The following ECI2 variants were observed in gnomAD, a reference collection of about 807,000 sequenced individuals.
ECI2 encodes enoyl-CoA delta isomerase 2.
Under a neutral mutation model 38.4 loss-of-function variants are expected in ECI2, and 27 were observed. That is an observed-to-expected ratio of 0.70 (90% CI 0.52 to 0.97). The LOEUF is 0.97. ECI2 is among the 50% of genes least tolerant of loss of function. ECI2 has a pLI of 0.00. For missense variants in ECI2, 470 were observed against 474.4 expected (o/e 0.99, Z 0.09); for synonymous variants, 168 against 172.0 (o/e 0.98, Z 0.18).
Position 4,130,784 on chromosome 6 carries a change from G to C in ECI2, c.295C>G (p.Leu99Val). The stretch of plus-strand genomic sequence containing the variant: ...AAACTCACCTTGGGCAGGCTGCCAA[G>C]GGCATTCCATGCGTCCCATTTGGCC... ...NKAKWDAWNALGSLPKEAARQ... is the reference protein window; with the variant it reads ...NKAKWDAWNAVGSLPKEAARQ... The change falls in exon 3 of 10, where the codon CTT (leucine) becomes GTT (valine). Residue 99 changes from leucine (L) to valine (V), a missense_variant. Leu to Val is a conservative substitution (Grantham distance 32). Coordinates refer to ENST00000380118, the MANE Select transcript of ECI2 (RefSeq NM_206836.3). 1 of 1,614,210 alleles carries C rather than the reference G, an allele frequency of 6.2e-7. No homozygotes were observed. Among genetic ancestry groups the C allele is most frequent in the East Asian group, 2.2e-5 (1 of 44,884 alleles).
At chr6:4,118,749 C>G (rs183540569) in intron 8 of ECI2, 1 of 154,432 alleles carries the variant, frequency 6.5e-6, no homozygotes, top group African/African-American at 2.4e-5. Context: ...TTGGTACTTA[C>G]TGTAACTCTG....
At chr6:4,121,698 T>C (rs541016578) in intron 7 of ECI2, among the ~76,000 whole-genome samples, 14 of 151,802 alleles carry the variant, frequency 9.2e-5, no homozygotes, top group Admixed American at 5.2e-4. Flanking sequence ...TTTTAGTTTT[T>C]TTTTTTTTTA....
chr6:4,126,567 G>C (rs987502565), intron 5 of ECI2, among the ~76,000 whole-genome samples: 2 of 152,166 alleles, frequency 1.3e-5, no homozygotes, highest in Non-Finnish European at 2.9e-5. Flanking sequence ...GGCCAGGTGG[G>C]CTAGAAAAAG....
intron 7 of ECI2, among the ~76,000 whole-genome samples, chr6:4,120,501 C>T (rs1418058519): frequency 1.3e-5 from 2 of 152,024 alleles, no homozygotes; most frequent in East Asian, 3.9e-4. Context: ...CAGAGGTGGG[C>T]AAATCACCTG....
chr6:4,128,447 G>A (rs1773317745), intron 4 of ECI2, among the ~76,000 whole-genome samples: 1 of 152,132 alleles, frequency 6.6e-6, no homozygotes, highest in African/African-American at 2.4e-5. Context: ...AGCTTTTAAT[G>A]CATTTAAAAC....
chr6:4,118,470 C>G (rs1239361599), intron 8 of ECI2: 1 of 152,238 alleles, frequency 6.6e-6, no homozygotes, highest in Non-Finnish European at 1.5e-5. Flanking sequence ...TCCTAATAGG[C>G]AATGAAAACA....
chr6:4,124,332 T>C (rs2113984962), intron 7 of ECI2, among the ~76,000 whole-genome samples: 1 of 152,338 alleles, frequency 6.6e-6, no homozygotes, highest in Non-Finnish European at 1.5e-5. Context: ...ATTCGAAGAA[T>C]TAAGGATGCT....
chr6:4,133,828 CT>C, intron 1 of ECI2, 117 bp from the exon 2 acceptor site: 1 of 1,271,842 alleles, frequency 7.9e-7, no homozygotes, highest in Non-Finnish European at 1.0e-6. Context: ...TAGATATTTT[CT>C]TTATACTTGC....
At chr6:4,132,333 C>T (rs1025436728) in intron 2 of ECI2, among the ~76,000 whole-genome samples, 11 of 151,990 alleles carry the variant, frequency 7.2e-5, no homozygotes, top group African/African-American at 1.7e-4. Context: ...CATCCAGTCT[C>T]GGTGTCCAGA....
In ECI2 at chr6:4,115,833, A is replaced by G. The variant is rs1245422670; in HGVS notation, c.*41T>C. The G allele has an allele frequency of 6.3e-7, 1 of 1,578,050 alleles. No individual in the cohort carries two copies. Among genetic ancestry groups the G allele is most frequent in the African/African-American group, 1.4e-5 (1 of 73,768 alleles). Reference sequence around the variant, plus strand: ...AGTACTGGAAATCAGAGGTAACAGCACATCCTTCCTTGGACATGCTTTACT... The same window carrying G: ...AGTACTGGAAATCAGAGGTAACAGCGCATCCTTCCTTGGACATGCTTTACT... On this transcript the variant is annotated 3_prime_UTR_variant, in exon 10 of 10. Transcript: ENST00000380118.
intron 1 of ECI2, among the ~76,000 whole-genome samples, chr6:4,134,264 G>A (rs1303055871): frequency 6.6e-6 from 1 of 152,188 alleles, no homozygotes. Context: ...GCAGTTGCTG[G>A]CATTCCAGAT....
chr6:4,118,892 C>A, intron 8 of ECI2: 1 of 248,912 alleles, frequency 4.0e-6, no homozygotes, highest in Non-Finnish European at 7.7e-6. Context: ...TGCCACACAG[C>A]TGCAAGGCTG....
Position 4,121,862 on chromosome 6 carries a change from T to TGTTAG in ECI2, c.796-2588_796-2587insCTAAC, listed in dbSNP as rs1364258279. The TGTTAG allele has an allele frequency of 2.4e-5, 14 of 587,176 alleles. No homozygotes were observed. In the African/African-American group the frequency reaches 2.5e-4, roughly 10 times the overall value. The allele number at this position is 587,176 out of a possible 1,614,324, so 36.4% of individuals were successfully genotyped here. ...ATAACTGTTAGAAGATATAAATCTA[T>TGTTAG]AACATATGCAGCATATACATAAAAA... On this transcript the variant is annotated intron_variant, in intron 7 of 9. Coordinates refer to ENST00000380118, the MANE Select transcript of ECI2 (RefSeq NM_206836.3).
At chr6:4,125,176 A>G in intron 7 of ECI2, 74 bp downstream of exon 7, 2 of 1,578,528 alleles carry the variant, frequency 1.3e-6, no homozygotes, top group Non-Finnish European at 1.7e-6. Flanking sequence ...ATGACTGGCA[A>G]CGCTGAAGGA....
intron 5 of ECI2, among the ~76,000 whole-genome samples, chr6:4,127,124 A>T (rs532023052): frequency 2.6e-4 from 39 of 152,286 alleles, no homozygotes; most frequent in African/African-American, 9.1e-4. Flanking sequence ...ATGCATCCAC[A>T]TTCTTGTGTA....
chr6:4,122,515 C>T lies in ECI2; in HGVS notation c.795+2735G>A, dbSNP rs570611885. Among the ~76,000 whole-genome samples the T allele has an allele frequency of 2.1e-4, 32 of 152,024 alleles. No individual in the cohort carries two copies. In the South Asian group the frequency reaches 6.2e-3, roughly 30 times the overall value. On this transcript the variant is annotated intron_variant, in intron 7 of 9. Transcript: ENST00000380118. ...AGATTACAGGCATGAGCCACCATGC[C>T]CAGCCTAGATTGTAAAACTTATTTT...
At chr6:4,126,374 C>T in intron 5 of ECI2, 137 bp from the exon 6 acceptor site, 1 of 664,626 alleles carries the variant, frequency 1.5e-6, no homozygotes, top group Non-Finnish European at 2.6e-6. Context: ...AACTTACAAA[C>T]TAGTGAGTAC....
At chr6:4,116,818 G>A (rs1385387333) in intron 9 of ECI2, among the ~76,000 whole-genome samples, 1 of 152,132 alleles carries the variant, frequency 6.6e-6, no homozygotes. Context: ...CATATAAATC[G>A]CTTCAGTAGG....
Position 4,123,048 on chromosome 6 carries a change from T to C in ECI2, c.795+2202A>G, listed in dbSNP as rs185851635. 3.7e-3 allele frequency among the ~76,000 whole-genome samples: 568 copies of C among 152,332 alleles called. 5 individuals carry two copies. Among genetic ancestry groups the C allele is most frequent in the Non-Finnish European group, 3.6e-3 (245 of 68,032 alleles). On this transcript the variant is annotated intron_variant, in intron 7 of 9. Transcript: ENST00000380118. The stretch of plus-strand genomic sequence containing the variant: ...TAAATGTACTGATTAATATTTTGGT[T>C]ATATGGGTTAAATATTAACCCATCA...
Sources: gnomAD v4.1 joint callset for allele counts (sites outside exome capture counted in the v4.1 genomes callset) on GRCh38, gnomAD v4.1.1 for gene constraint, MANE v1.5 for transcripts, NCBI Gene and HGNC (gene_info 2026-07-23, HGNC 2026-07-21) for gene names.